The following HECW2 variants were observed in gnomAD, a reference collection of about 807,000 sequenced individuals.
HECW2 encodes the protein E3 ubiquitin-protein ligase HECW2.
HECW2 carries 61 observed loss-of-function variants against 175.2 expected under a neutral mutation model. The ratio of observed to expected loss-of-function variants is 0.35; its 90% CI spans 0.28 to 0.43. The LOEUF (loss-of-function observed/expected upper bound fraction) is 0.43, where lower values mean the gene tolerates loss of function less well. Among genes scored for constraint, HECW2 ranks in the 20% least tolerant of loss-of-function variants. The probability of loss-of-function intolerance (pLI) is 1.00; values close to 1 mark genes in which losing one functional copy is unlikely to be tolerated. For missense variants in HECW2, 1,524 were observed against 2,000.5 expected, an observed-to-expected ratio of 0.76 and a Z score of 4.54; for synonymous variants, 671 against 731.0, an observed-to-expected ratio of 0.92 and a Z score of 1.32.
intron 19 of HECW2, 80 bp downstream of exon 19, chr2:196,253,840 T>C: frequency 7.6e-7 from 1 of 1,309,768 alleles, no homozygotes. Context: ...CCCTTACTGT[T>C]CTGTCTTTAG....
intron 21 of HECW2, among the ~76,000 whole-genome samples, chr2:196,233,633 G>A (rs1269026552): frequency 2.0e-5 from 3 of 152,140 alleles, no homozygotes; most frequent in Non-Finnish European, 2.9e-5. Context: ...GGTGAGTAAG[G>A]TATTTTGATA....
chr2:196,362,195 C>A, intron 2 of HECW2: 1 of 985,400 alleles, frequency 1.0e-6, no homozygotes, highest in African/African-American at 1.7e-5. Flanking sequence ...TGTATCACAT[C>A]CCCTCGGCTG....
intron 10 of HECW2, among the ~76,000 whole-genome samples, chr2:196,310,446 C>T (rs76061202): frequency 0.043 from 6,516 of 152,288 alleles, 441 homozygotes; most frequent in African/African-American, 0.15. Flanking sequence ...CTTCTACCCA[C>T]GCTGTCAATA....
chr2:196,275,620 CAG>C (rs1483347366), intron 15 of HECW2, among the ~76,000 whole-genome samples: 19 of 152,090 alleles, frequency 1.2e-4, no homozygotes, highest in Non-Finnish European at 2.5e-4. Context: ...GGCGCGGTGG[CAG>C]GTGCCTGTAG....
At chr2:196,446,686 T>C (rs2125299970) in intron 1 of HECW2, among the ~76,000 whole-genome samples, 1 of 152,298 alleles carries the variant, frequency 6.6e-6, no homozygotes, top group South Asian at 2.1e-4. Flanking sequence ...AATTTTAAAG[T>C]CTGAGGTTAC....
intron 10 of HECW2, among the ~76,000 whole-genome samples, chr2:196,309,351 C>G (rs1450665200): frequency 1.3e-5 from 2 of 152,206 alleles, no homozygotes; most frequent in African/African-American, 4.8e-5. Context: ...ACCACACAGA[C>G]AGCAAACAAC....
chr2:196,296,242 G>A (rs1481234295), intron 13 of HECW2, among the ~76,000 whole-genome samples: 1 of 152,102 alleles, frequency 6.6e-6, no homozygotes, highest in Non-Finnish European at 1.5e-5. Flanking sequence ...GCAGATTCTA[G>A]TCTCAGCTCT....
chr2:196,510,400 A>AAGGGAGC (rs1491463423), intron 1 of HECW2, among the ~76,000 whole-genome samples: 3 of 152,136 alleles, frequency 2.0e-5, no homozygotes, highest in Non-Finnish European at 4.4e-5. Context: ...CAAGAATTTC[A>AAGGGAGC]TAGTCTTACC....
intron 2 of HECW2, among the ~76,000 whole-genome samples, chr2:196,387,314 A>G (rs4487104): frequency 1 from 152,164 of 152,240 alleles, 76,044 homozygotes; most frequent in Non-Finnish European, 1. Flanking sequence ...ATTAAGAGGT[A>G]GGCCTTTAAG....
At chr2:196,393,249 T>C (rs934400015) in intron 2 of HECW2, among the ~76,000 whole-genome samples, 1 of 152,172 alleles carries the variant, frequency 6.6e-6, no homozygotes, top group Non-Finnish European at 1.5e-5. Flanking sequence ...AAGGACTTCA[T>C]GACTGACTAA....
chr2:196,445,679 TG>T (rs1696161722), intron 1 of HECW2, among the ~76,000 whole-genome samples: 1 of 152,220 alleles, frequency 6.6e-6, no homozygotes, highest in African/African-American at 2.4e-5. Flanking sequence ...GAGCTCATTA[TG>T]GGGCATGATC....
chr2:196,582,668 C>T (rs1690832359), intron 1 of HECW2, among the ~76,000 whole-genome samples: 1 of 152,152 alleles, frequency 6.6e-6, no homozygotes, highest in Non-Finnish European at 1.5e-5. Flanking sequence ...GTATCAAAAC[C>T]ACCTCATACA....
chr2:196,223,769 G>C (rs922923919), intron 23 of HECW2, among the ~76,000 whole-genome samples: 5 of 152,160 alleles, frequency 3.3e-5, no homozygotes, highest in Admixed American at 3.3e-4. Flanking sequence ...TCATTAGAGG[G>C]TAGAGACCAA....
rs140396906 is a variant in HECW2, at chr2:196,200,184, T to C, written c.*1093A>G. The C allele has an allele frequency of 6.5e-6, 1 of 152,748 alleles. No homozygotes were observed. Among genetic ancestry groups the C allele is most frequent in the Non-Finnish European group, 1.5e-5 (1 of 68,010 alleles). 9.5% of individuals were successfully genotyped at this position (152,748 alleles called of 1,614,324 possible). On this transcript the variant is annotated 3_prime_UTR_variant, in exon 29 of 29. Transcript: ENST00000644978. Reference sequence around the variant, plus strand: ...AATTATTACTTAGATGCACAGTCCTTGTAGTGGTAGACACGGCACTGTGAA... The same window carrying C: ...AATTATTACTTAGATGCACAGTCCTCGTAGTGGTAGACACGGCACTGTGAA...
At chr2:196,210,839 G>T (rs1258278969) in intron 28 of HECW2, among the ~76,000 whole-genome samples, 1 of 151,454 alleles carries the variant, frequency 6.6e-6, no homozygotes, top group East Asian at 1.9e-4. Context: ...GGCCAGGGTG[G>T]TCTCAAACTC....
chr2:196,387,739 C>G (rs192159712), intron 2 of HECW2, among the ~76,000 whole-genome samples: 2 of 152,226 alleles, frequency 1.3e-5, no homozygotes, highest in Non-Finnish European at 2.9e-5. Flanking sequence ...TCTTGTGGCT[C>G]TATTTCAGCA....
Position 196,583,220 on chromosome 2 carries a change from C to G in HECW2, c.-36+10288G>C, listed in dbSNP as rs563642160. ...TATCACCTACATACCTGAACTACCC[C>G]AGGGAACTCCTGCAGAGGTATCTTC... is the stretch of plus-strand genomic sequence containing the variant. On this transcript the variant is annotated intron_variant, in intron 1 of 28. Transcript: ENST00000644978. Among the ~76,000 whole-genome samples the G allele has an allele frequency of 3.9e-5, 6 of 152,314 alleles. No homozygotes were observed. In the South Asian group the frequency reaches 1.2e-3, roughly 32 times the overall value.
At chr2:196,507,769 C>T (rs973468379) in intron 1 of HECW2, among the ~76,000 whole-genome samples, 1 of 152,180 alleles carries the variant, frequency 6.6e-6, no homozygotes, top group African/African-American at 2.4e-5. Context: ...CCTAACAAAA[C>T]AGTCATGATT....
intron 1 of HECW2, among the ~76,000 whole-genome samples, chr2:196,539,492 G>A (rs1276243397): frequency 2.6e-5 from 4 of 152,154 alleles, no homozygotes; most frequent in African/African-American, 4.8e-5. Flanking sequence ...AAAATTGGCC[G>A]GCTGTGGTGG....
Sources: allele counts gnomAD v4.1 joint callset (sites outside exome capture counted in the v4.1 genomes callset), GRCh38; gene constraint gnomAD v4.1.1; transcripts MANE v1.5; gene names NCBI Gene and HGNC (gene_info 2026-07-23, HGNC 2026-07-21).